The following MYO1H variants were observed in gnomAD, a reference collection of about 807,000 sequenced individuals.
MYO1H encodes unconventional myosin-Ih.
MYO1H carries 118 observed loss-of-function variants against 149.3 expected under a neutral mutation model. The ratio of observed to expected loss-of-function variants is 0.79; its 90% CI spans 0.68 to 0.92. The LOEUF (loss-of-function observed/expected upper bound fraction) is 0.92, where lower values mean the gene tolerates loss of function less well. MYO1H is among the 40% of genes least tolerant of loss of function. The probability of loss-of-function intolerance (pLI) is 0.00; values close to 1 mark genes in which losing one functional copy is unlikely to be tolerated. For missense variants in MYO1H, 1,212 were observed against 1,280.7 expected, an observed-to-expected ratio of 0.95 and a Z score of 0.82; for synonymous variants, 447 against 465.2, an observed-to-expected ratio of 0.96 and a Z score of 0.50.
At chr12:109,393,571 C>T (rs373509627) in intron 3 of MYO1H, 125 bp downstream of exon 3, 1 of 661,858 alleles carries the variant, frequency 1.5e-6, no homozygotes, top group Non-Finnish European at 2.7e-6. Flanking sequence ...ATCCATCCAT[C>T]CATCCGCCCA....
chr12:109,327,349 G>A, the MYO1H span, among the ~76,000 whole-genome samples: 1 of 151,176 alleles, frequency 6.6e-6, no homozygotes, highest in African/African-American at 2.4e-5. Flanking sequence ...TGGCCAGGCT[G>A]GTCTTGAACT....
At chr12:109,355,886 T>TC (rs1555247999) in intron 1 of MYO1H, among the ~76,000 whole-genome samples, 1 of 151,252 alleles carries the variant, frequency 6.6e-6, no homozygotes, top group Non-Finnish European at 1.5e-5. Context: ...TTTTTTTTTT[T>TC]CTGGTATTTT....
chr12:109,393,264 G>C, intron 2 of MYO1H, 67 bp from the exon 3 acceptor site: 1 of 937,080 alleles, frequency 1.1e-6, no homozygotes, highest in South Asian at 1.4e-5. Context: ...AACACATGGG[G>C]ATCATCATGT....
chr12:109,312,209 T>TG, the MYO1H span, among the ~76,000 whole-genome samples: 16 of 116,972 alleles, frequency 1.4e-4, 1 homozygote, highest in African/African-American at 3.8e-4. Flanking sequence ...CAGTTTTTTT[T>TG]TTTGTTTGTT....
chr12:109,437,898 C>T (rs1871930826), intron 22 of MYO1H, among the ~76,000 whole-genome samples: 1 of 151,614 alleles, frequency 6.6e-6, no homozygotes, highest in South Asian at 2.1e-4. Context: ...GATCAGCCTG[C>T]CCAACATGGC....
At position 109,409,714 on chromosome 12, in the gene MYO1H, G is replaced by A. The variant is rs1870583183; in HGVS notation, c.1223+90G>A. On this transcript the variant is annotated intron_variant, in intron 11 of 31. Transcript: ENST00000310903. ...AATCTTTCGCTAATGTTACTAGATTGATTTCCCTGTCCCCAGAAAGTCTCT... is the reference window on the plus strand; with the variant it reads ...AATCTTTCGCTAATGTTACTAGATTAATTTCCCTGTCCCCAGAAAGTCTCT... 35 of 1,097,742 alleles carry A rather than the reference G, an allele frequency of 3.2e-5. No individual in the cohort carries two copies. In the South Asian group the frequency reaches 4.2e-4, roughly 13 times the overall value. 68.0% of individuals were successfully genotyped at this position (1,097,742 alleles called of 1,614,324 possible).
At chr12:109,429,658 G>A (rs547730005) in intron 19 of MYO1H, among the ~76,000 whole-genome samples, 84 of 152,234 alleles carry the variant, frequency 5.5e-4, no homozygotes, top group Admixed American at 1.7e-3. Context: ...CCCCACATAC[G>A]ATGAGGGGTG....
exon 15 of MYO1H, chr12:109,415,606 C>A: frequency 6.2e-7 from 1 of 1,600,664 alleles, no homozygotes; most frequent in African/African-American, 1.3e-5. Flanking sequence ...GGAGAGGTCA[C>A]ATACTGCACC....
chr12:109,435,059 C>A (rs1407972945), exon 21 of MYO1H: 1 of 1,607,880 alleles, frequency 6.2e-7, no homozygotes, highest in South Asian at 1.1e-5. Flanking sequence ...CATTCGTTTC[C>A]CCAGAACTCT....
chr12:109,378,464 G>A (rs1178308864), intron 1 of MYO1H, among the ~76,000 whole-genome samples: 2 of 151,738 alleles, frequency 1.3e-5, no homozygotes, highest in Non-Finnish European at 2.9e-5. Context: ...GGTACCACAG[G>A]TGTGCACCAC....
At chr12:109,427,710 A>G (rs1036722583) in intron 19 of MYO1H, 124 bp downstream of exon 19, 1 of 660,026 alleles carries the variant, frequency 1.5e-6, no homozygotes, top group African/African-American at 1.8e-5. Context: ...TAACTGCTGT[A>G]GTTATGACAG....
At chr12:109,415,449 T>A (rs1008452875) in intron 14 of MYO1H, 77 bp from the exon 15 acceptor site, 16 of 1,377,868 alleles carry the variant, frequency 1.2e-5, no homozygotes, top group Non-Finnish European at 1.6e-5. Context: ...GCACTCCAGC[T>A]TGGGCAACAG....
intron 1 of MYO1H, among the ~76,000 whole-genome samples, chr12:109,386,742 G>A (rs1456966825): frequency 6.6e-6 from 1 of 152,072 alleles, no homozygotes. Flanking sequence ...CAAATTCTTT[G>A]CGTCTGTATA....
rs547017070 is a variant in MYO1H at position 109,362,250 on chromosome 12, G to A, written c.12+14278G>A. On this transcript the variant is annotated intron_variant, in intron 1 of 31. Coordinates refer to ENST00000310903, the Ensembl canonical transcript of MYO1H. ...TTTTATTGAGAGAAGGCAGGACTCC[G>A]TTAACTGTGAGATGTATTGAAAGGA... is the stretch of plus-strand genomic sequence containing the variant. Among the ~76,000 whole-genome samples the A allele has an allele frequency of 3.3e-5, 5 of 152,186 alleles. 1 individual carries two copies. The highest frequency in any genetic ancestry group is 7.2e-5 in the African/African-American group (3 of 41,436).
At chr12:109,359,994 C>T (rs975873202) in intron 1 of MYO1H, among the ~76,000 whole-genome samples, 27 of 152,188 alleles carry the variant, frequency 1.8e-4, no homozygotes, top group African/African-American at 6.3e-4. Flanking sequence ...CCTGTTCCGG[C>T]GGCCGGACGG....
the MYO1H span, among the ~76,000 whole-genome samples, chr12:109,338,023 A>G: frequency 3.7e-5 from 5 of 134,986 alleles, no homozygotes; most frequent in Admixed American, 7.7e-5. Flanking sequence ...CTGGAAAGCT[A>G]AGAAAAAAAA....
At chr12:109,422,217 C>T (rs1176408646) in intron 16 of MYO1H, among the ~76,000 whole-genome samples, 2 of 152,084 alleles carry the variant, frequency 1.3e-5, no homozygotes, top group African/African-American at 2.4e-5. Context: ...AAAGCTTAAC[C>T]CTAAAGGTAA....
intron 25 of MYO1H, 48 bp downstream of exon 25, chr12:109,440,875 A>G: frequency 7.4e-7 from 1 of 1,358,446 alleles, no homozygotes. Context: ...TGGGTGTAAG[A>G]GTGGGTCCTG....
intron 3 of MYO1H, 83 bp downstream of exon 3, chr12:109,393,529 G>GTCCATCCATTCA (rs1869755964): frequency 5.4e-6 from 4 of 734,838 alleles, no homozygotes; most frequent in South Asian, 3.3e-5. Context: ...CCACGCATCT[G>GTCCATCCATTCA]TCCATCCATT....
Sources: gnomAD v4.1 joint callset for allele counts (sites outside exome capture counted in the v4.1 genomes callset) on GRCh38, gnomAD v4.1.1 for gene constraint, MANE v1.5 for transcripts, NCBI Gene and HGNC (gene_info 2026-07-23, HGNC 2026-07-21) for gene names.